Variants in HERC1 observed in about 807,000 individuals in gnomAD.
The protein encoded by HERC1 is probable E3 ubiquitin-protein ligase HERC1.
Under a neutral mutation model 554.3 loss-of-function variants are expected in HERC1, and 160 were observed. That is an observed-to-expected ratio of 0.29 (90% confidence interval 0.25 to 0.33). The LOEUF is 0.33. Ranked by LOEUF, HERC1 falls within the 10% of genes least tolerant of loss-of-function variation. The pLI, the probability that HERC1 is intolerant of heterozygous loss-of-function variation, is 1.00. For synonymous variants in HERC1, 2,175 were observed against 2,131.7 expected, an observed-to-expected ratio of 1.02 and a Z score of -0.56; for missense variants, 4,919 against 5,918.5, an observed-to-expected ratio of 0.83 and a Z score of 5.54.
intron 2 of HERC1, among the ~76,000 whole-genome samples, 191 bp from the exon 3 acceptor site, chr15:63,764,382 C>T (rs1422843214): frequency 1.3e-5 from 2 of 152,194 alleles, no homozygotes; most frequent in Non-Finnish European, 1.5e-5. Flanking sequence ...GAGCTGGCTA[C>T]TGCATCACAT....
At chr15:63,667,097 G>C (rs1195250002) in intron 40 of HERC1, among the ~76,000 whole-genome samples, 1 of 152,200 alleles carries the variant, frequency 6.6e-6, no homozygotes, top group Non-Finnish European at 1.5e-5. Context: ...CTTCATTCAT[G>C]ATGAGCTATA....
chr15:63,692,295 A>G lies in HERC1; in HGVS notation c.5830+116T>C. On this transcript the variant is annotated intron_variant, in intron 31 of 77. Transcript: ENST00000443617. The surrounding 1 kb of genome is among the most constrained non-coding windows in gnomAD (Gnocchi z 4.7). ...ATCAAATAGGTACGCAGAAAATAAG[A>G]AAGAAAAGCCTTCAAATCAAGGTTA... 2.6e-6 allele frequency: 2 copies of G among 763,648 alleles called. No homozygotes were observed. The highest frequency in any genetic ancestry group is 3.9e-6 in the Non-Finnish European group (2 of 506,438). The allele number at this position is 763,648 out of a possible 1,614,324, so 47.3% of individuals were successfully genotyped here.
chr15:63,785,906 G>A (rs979878715), intron 1 of HERC1, among the ~76,000 whole-genome samples: 2 of 151,992 alleles, frequency 1.3e-5, no homozygotes, highest in East Asian at 1.9e-4. Context: ...AGGTCTCACC[G>A]TGTTGTCCAG....
rs776978144 is a variant in HERC1, at chr15:63,661,924, G to C, written c.8999C>G (p.Pro3000Arg). ...GCGGTTTGCACTGCGCCCACAGCCT[G>C]GATGGTTTCTCTTCATGTGCTGATT... is the stretch of plus-strand genomic sequence containing the variant. ...SFNQHMKRNH[P>R]GCGRSANRQG... The change falls in exon 45 of 78, where the codon CCA becomes CGA. Residue 3000 changes from proline to arginine, a missense_variant. By Grantham distance (103) the Pro-to-Arg change is moderately radical. Around this residue, in one of 11 missense-constraint regions of HERC1, gnomAD observed 1,963 missense variants for 2,228.6 expected, o/e 0.88. Transcript: ENST00000443617. The C allele has an allele frequency of 9.9e-6, 16 of 1,613,900 alleles. No homozygotes were observed. The highest frequency in any genetic ancestry group is 1.3e-5 in the Non-Finnish European group (15 of 1,179,876).
intron 1 of HERC1, among the ~76,000 whole-genome samples, chr15:63,785,937 C>T (rs1007780352): frequency 6.6e-6 from 1 of 152,050 alleles, no homozygotes; most frequent in Non-Finnish European, 1.5e-5. Flanking sequence ...AACTCCTGGA[C>T]TCAGGCAATC....
chr15:63,612,448 C>T lies in HERC1; in HGVS notation c.14203G>A (p.Val4735Met). 6.2e-7 allele frequency: 1 copy of T among 1,614,072 alleles called. No homozygotes were observed. The highest frequency in any genetic ancestry group is 8.5e-7 in the Non-Finnish European group (1 of 1,179,906). ...QMVCGMPEIS[V>M]EVLKKVVRYR... ...CGCACCACTTTCTTCAAGACTTCCA[C>T]AGAGATCTCGGGCATCCCACACACC... Residue 4735 changes from valine (V) to methionine (M), a missense_variant, in exon 77 of 78, where the codon GTG (valine) becomes ATG (methionine). Val to Met is a conservative substitution (Grantham distance 21). Coordinates refer to ENST00000443617, the MANE Select transcript of HERC1 (RefSeq NM_003922.4). This position sits in a 1 kb window ranked among gnomAD's most constrained non-coding sequence, Gnocchi z 5.0.
intron 2 of HERC1, among the ~76,000 whole-genome samples, chr15:63,773,105 T>C (rs113586071): frequency 3.3e-5 from 5 of 152,170 alleles, no homozygotes; most frequent in African/African-American, 7.2e-5. Flanking sequence ...TTTAACTAAA[T>C]AGATTTGTTG....
intron 34 of HERC1, among the ~76,000 whole-genome samples, chr15:63,682,995 G>C (rs1412737248): frequency 1.3e-5 from 2 of 151,942 alleles, no homozygotes; most frequent in African/African-American, 4.8e-5. Context: ...AATTAGCCAG[G>C]CATGCTGATG....
intron 34 of HERC1, among the ~76,000 whole-genome samples, chr15:63,685,873 C>T (rs1167785929): frequency 1.3e-5 from 2 of 152,204 alleles, no homozygotes; most frequent in East Asian, 1.9e-4. Context: ...CTAACTGATA[C>T]AGGCTGGCTT....
rs1269823075 is a variant in HERC1 at position 63,678,018 on chromosome 15, A to G, written c.6897T>C (p.Leu2299=). ...ADLSELQLRT[L]CIEVWPVLAV... ...CCAGCACGGGCCACACCTCTATGCA[A>G]AGAGTCCTCAGCTGCAGCTCTGAGA... The change falls in exon 37 of 78, where the codon CTT becomes CTC. Residue 2299 remains leucine (L), a synonymous_variant. Transcript: ENST00000443617. 6.2e-7 allele frequency: 1 copy of G among 1,613,856 alleles called. No individual in the cohort carries two copies. Among genetic ancestry groups the G allele is most frequent in the Non-Finnish European group, 8.5e-7 (1 of 1,179,880 alleles).
Position 63,674,793 on chromosome 15 carries a change from T to C in HERC1, c.7395A>G (p.Ser2465=), listed in dbSNP as rs371389261. 3.7e-6 allele frequency: 6 copies of C among 1,613,828 alleles called. No homozygotes were observed. The African/African-American group carries it at 6.7e-5, about 18-fold the overall frequency. The change falls in exon 38 of 78, where the codon TCA becomes TCG. Residue 2465 remains serine (S), a synonymous_variant. Transcript: ENST00000443617. The stretch of plus-strand genomic sequence containing the variant: ...TTGGCAGTGTTGGATCTAAAGAAAA[T>C]GAAGCGATTTCATTTTCTGATTTGG... ...TSSKSENEIA[S]FSLDPTLPSV...
intron 5 of HERC1, 126 bp from the exon 6 acceptor site, chr15:63,755,451 A>G: frequency 2.7e-6 from 2 of 747,960 alleles, no homozygotes; most frequent in South Asian, 1.6e-5. Flanking sequence ...TTCCAGGTAC[A>G]GTTGTGGAGG....
rs78657326 is a variant in HERC1 at position 63,649,639 on chromosome 15, G to C, written c.10747+86C>G. 187 of 1,023,212 alleles carry C rather than the reference G, an allele frequency of 1.8e-4. No homozygotes were observed. In the East Asian group the frequency reaches 4.6e-3, roughly 25 times the overall value. 63.4% of individuals were successfully genotyped at this position (1,023,212 alleles called of 1,614,324 possible). A position where few individuals can be genotyped will look rare whatever the true frequency, so the allele number is the denominator to read the frequency against. ...AACAAAGCCAAGATAATATTCACTT[G>C]GTATTTTTAAAAGCAAATGCCAAAA... On this transcript the variant is annotated intron_variant, in intron 54 of 77. Transcript: ENST00000443617.
chr15:63,624,086 C>T, intron 72 of HERC1, 72 bp downstream of exon 72: 2 of 1,424,014 alleles, frequency 1.4e-6, no homozygotes, highest in South Asian at 1.3e-5. Flanking sequence ...AACCAAGACT[C>T]ACAGAAATTA....
intron 36 of HERC1, among the ~76,000 whole-genome samples, chr15:63,678,640 G>A (rs2071322773): frequency 6.6e-6 from 1 of 152,078 alleles, no homozygotes; most frequent in Non-Finnish European, 1.5e-5. Context: ...TGAATATAGA[G>A]ACCAAGCCGT....
chr15:63,826,870 C>T (rs2077955860), intron 1 of HERC1, among the ~76,000 whole-genome samples: 1 of 119,538 alleles, frequency 8.4e-6, no homozygotes, highest in African/African-American at 3.0e-5. Context: ...TCTGTTGGTG[C>T]TTTCACACAT....
chr15:63,825,401 A>C (rs2077859745), intron 1 of HERC1, among the ~76,000 whole-genome samples: 1 of 152,346 alleles, frequency 6.6e-6, no homozygotes. Flanking sequence ...CACATACAAA[A>C]AAAGTAACTA....
intron 74 of HERC1, 95 bp downstream of exon 74, chr15:63,622,720 A>G (rs1306758712): frequency 4.6e-6 from 4 of 865,046 alleles, no homozygotes; most frequent in Middle Eastern, 2.8e-4. Flanking sequence ...GGTGTAAAGC[A>G]CTTAAAACAG....
intron 1 of HERC1, among the ~76,000 whole-genome samples, chr15:63,788,733 G>A (rs1467747978): frequency 6.6e-6 from 1 of 151,662 alleles, no homozygotes; most frequent in Non-Finnish European, 1.5e-5. Context: ...CCTGACCAAC[G>A]TGGTGAAGCC....
Sources: allele counts gnomAD v4.1 joint callset (sites outside exome capture counted in the v4.1 genomes callset), GRCh38; gene constraint gnomAD v4.1.1; regional missense constraint gnomAD v4.1.1; non-coding constraint Gnocchi (gnomAD v3.1); transcripts MANE v1.5; gene names NCBI Gene and HGNC (gene_info 2026-07-23, HGNC 2026-07-21).